SCARA5: variants seen among roughly 807,000 people sequenced by gnomAD.
SCARA5 encodes the protein scavenger receptor class A member 5.
A neutral mutation model predicts 46.3 loss-of-function variants in SCARA5; 45 were observed. The ratio of observed to expected loss-of-function variants is 0.97; its 90% CI spans 0.76 to 1.24. The LOEUF (loss-of-function observed/expected upper bound fraction) is 1.24. SCARA5 is among the 50% of genes most tolerant of loss of function. The pLI is 0.00. For synonymous variants in SCARA5, 333 were observed against 306.5 expected (o/e 1.09, Z -0.90); for missense variants, 680 against 689.0 (o/e 0.99, Z 0.15).
intron 2 of SCARA5, among the ~76,000 whole-genome samples, chr8:27,978,026 T>G (rs1403159267): frequency 3.5e-5 from 1 of 28,478 alleles, no homozygotes. Flanking sequence ...TGTCTTTTGT[T>G]TTTTTTTTTT....
chr8:27,893,124 G>T (rs1475552147), intron 7 of SCARA5, among the ~76,000 whole-genome samples: 1 of 152,100 alleles, frequency 6.6e-6, no homozygotes, highest in Non-Finnish European at 1.5e-5. Flanking sequence ...AAGCCTTTTT[G>T]CACTCGTAGG....
At chr8:27,880,829 T>G (rs922592196) in intron 7 of SCARA5, among the ~76,000 whole-genome samples, 1 of 122,752 alleles carries the variant, frequency 8.1e-6, no homozygotes, top group Non-Finnish European at 1.6e-5. Context: ...CACTCCAGCA[T>G]GCATGACAAA....
At chr8:27,968,479 A>G (rs143425262) in intron 2 of SCARA5, among the ~76,000 whole-genome samples, 1 of 152,300 alleles carries the variant, frequency 6.6e-6, no homozygotes, top group East Asian at 1.9e-4. Context: ...AGGCTCTACA[A>G]AGGGTTTTGC....
intron 3 of SCARA5, among the ~76,000 whole-genome samples, chr8:27,942,015 G>A (rs1392980471): frequency 6.6e-6 from 1 of 151,758 alleles, no homozygotes; most frequent in African/African-American, 2.4e-5. Flanking sequence ...TTTTAGAAGA[G>A]ACAGGGTTTT....
chr8:27,904,395 T>A (rs1471747834), intron 7 of SCARA5: 1 of 375,558 alleles, frequency 2.7e-6, no homozygotes, highest in Admixed American at 4.0e-5. Flanking sequence ...AGCATGATCA[T>A]AAGCACTTTA....
At chr8:27,987,361 TA>T in intron 2 of SCARA5, 142 bp downstream of exon 2, 1 of 645,994 alleles carries the variant, frequency 1.5e-6, no homozygotes, top group Non-Finnish European at 2.8e-6. Context: ...GAAGACCTTT[TA>T]AAGCATAAAG....
At position 27,879,721 on chromosome 8, in the gene SCARA5, C is replaced by A; in HGVS notation, c.1199G>T (p.Gly400Val). 2 of 1,613,178 alleles carry A rather than the reference C, an allele frequency of 1.2e-6. No individual in the cohort carries two copies. Among genetic ancestry groups the A allele is most frequent in the South Asian group, 2.2e-5 (2 of 91,080 alleles). The change falls in exon 8 of 9, where the codon GGT (glycine) becomes GTT (valine). Residue 400 changes from glycine to valine, a missense_variant. Physicochemically the swap from Gly to Val is moderately radical, Grantham distance 109. This residue lies in a region of SCARA5 where 219 missense variants were observed against 269.5 expected (regional missense o/e 0.81). Transcript: ENST00000354914. ...CACTTCCACGCGGCCCTCGTGCGGA[C>A]CTGAGCCATTCACCAGGCGGATCAT... ...PMMIRLVNGS[G>V]PHEGRVEVYH...
intron 7 of SCARA5, among the ~76,000 whole-genome samples, chr8:27,887,569 T>C (rs1431549900): frequency 6.6e-6 from 1 of 152,172 alleles, no homozygotes; most frequent in Non-Finnish European, 1.5e-5. Flanking sequence ...GAGAGGCTGT[T>C]CTTGACAGCT....
chr8:27,988,445 G>A (rs992234628), intron 1 of SCARA5, among the ~76,000 whole-genome samples: 2 of 152,246 alleles, frequency 1.3e-5, no homozygotes, highest in Non-Finnish European at 1.5e-5. Flanking sequence ...GCAACAATGT[G>A]TACAACACGA....
At chr8:27,965,921 G>A (rs753244709) in intron 3 of SCARA5, among the ~76,000 whole-genome samples, 14 of 152,130 alleles carry the variant, frequency 9.2e-5, no homozygotes, top group South Asian at 4.1e-4. Context: ...CTAGCCCATC[G>A]CCTGCCCATC....
chr8:27,874,849 T>G (rs1186203779), intron 8 of SCARA5, among the ~76,000 whole-genome samples: 2 of 152,256 alleles, frequency 1.3e-5, no homozygotes, highest in East Asian at 3.9e-4. Flanking sequence ...TAGGTCACAC[T>G]CCCTTCCGTG....
rs1378297947 is a variant in SCARA5, at chr8:27,905,611, C to CG, written c.1097-778_1097-777insC. Among the ~76,000 whole-genome samples, 8 of 143,838 alleles carry CG rather than the reference C, an allele frequency of 5.6e-5. No individual in the cohort carries two copies. In the East Asian group the frequency reaches 1.0e-3, roughly 18 times the overall value. The allele number at this position is 143,838 out of a possible 152,430, so 94.4% of individuals were successfully genotyped here. A position where few individuals can be genotyped will look rare whatever the true frequency, so the allele number is the denominator to read the frequency against. ...GGCAGGGTGTGCTCCAAAGCATTGA[C>CG]AGTAGTTATTCTAAAGAATAAGAGC... On this transcript the variant is annotated intron_variant, in intron 6 of 8. Coordinates refer to ENST00000354914, the MANE Select transcript of SCARA5 (RefSeq NM_173833.6).
At chr8:27,909,960 T>C (rs912732967) in intron 4 of SCARA5, among the ~76,000 whole-genome samples, 2 of 150,834 alleles carry the variant, frequency 1.3e-5, no homozygotes, top group Non-Finnish European at 3.0e-5. Flanking sequence ...GAAACAGGAG[T>C]TAGCTAAGTA....
chr8:27,887,904 T>C (rs2129695634), intron 7 of SCARA5, among the ~76,000 whole-genome samples: 1 of 152,360 alleles, frequency 6.6e-6, no homozygotes, highest in East Asian at 1.9e-4. Context: ...CAACCTCTGA[T>C]GACTCTCTAT....
Position 27,946,947 on chromosome 8 carries a change from TCTC to T in SCARA5, c.241+19464_241+19466del, listed in dbSNP as rs201590485. On this transcript the variant is annotated intron_variant, in intron 3 of 8. Transcript: ENST00000354914. The stretch of plus-strand genomic sequence containing the variant: ...CTTAGCTTTTGTTTTTTTTCACTGT[TCTC>T]CTTCAGTTTCTTCTGTCTCTCCTAG... Among the ~76,000 whole-genome samples, 794 of 152,140 alleles carry T rather than the reference TCTC, an allele frequency of 5.2e-3. 8 individuals carry two copies. Among genetic ancestry groups the T allele is most frequent in the African/African-American group, 0.017 (709 of 41,478 alleles).
At chr8:27,970,299 G>C (rs75541811) in intron 2 of SCARA5, among the ~76,000 whole-genome samples, 2,494 of 152,296 alleles carry the variant, frequency 0.016, 53 homozygotes, top group East Asian at 0.084. Context: ...CGAGGTAGGA[G>C]ACAAGATTCA....
At chr8:27,919,922 T>C (rs1191725548) in intron 4 of SCARA5, among the ~76,000 whole-genome samples, 2 of 149,954 alleles carry the variant, frequency 1.3e-5, no homozygotes, top group Non-Finnish European at 3.0e-5. Flanking sequence ...TTATTTGTGC[T>C]GATGGCAGAC....
intron 3 of SCARA5, among the ~76,000 whole-genome samples, chr8:27,929,300 G>GA (rs1226151654): frequency 4.0e-5 from 6 of 150,402 alleles, no homozygotes; most frequent in African/African-American, 1.2e-4. Context: ...TTATGTCCAT[G>GA]AAAAAAATGG....
At chr8:27,930,123 T>C (rs1807745908) in intron 3 of SCARA5, among the ~76,000 whole-genome samples, 1 of 152,192 alleles carries the variant, frequency 6.6e-6, no homozygotes, top group Admixed American at 6.5e-5. Context: ...TAGCTTGATA[T>C]GGTTTTCCTG....
Sources: allele counts gnomAD v4.1 joint callset (sites outside exome capture counted in the v4.1 genomes callset), GRCh38; gene constraint gnomAD v4.1.1; regional missense constraint gnomAD v4.1.1; transcripts MANE v1.5; gene names NCBI Gene and HGNC (gene_info 2026-07-23, HGNC 2026-07-21).